Variants in POLR1C observed in about 807,000 individuals in gnomAD.
POLR1C encodes the protein RNA polymerase I and III subunit C, also known as DNA-directed RNA polymerases I and III subunit RPAC1.
Under a neutral mutation model 38.3 loss-of-function variants are expected in POLR1C, and 42 were observed. That is an observed-to-expected ratio of 1.10 (90% confidence interval 0.86 to 1.42). POLR1C has a LOEUF of 1.42. POLR1C is among the 40% of genes most tolerant of loss of function. POLR1C has a pLI of 0.00. For missense variants in POLR1C, 507 were observed against 450.5 expected (o/e 1.13, Z -1.14); for synonymous variants, 163 against 163.9 (o/e 0.99, Z 0.04).
At chr6:43,553,264 T>C in intron 10 of POLR1C, 1 of 1,365,042 alleles carries the variant, frequency 7.3e-7, no homozygotes, top group Non-Finnish European at 9.7e-7. Flanking sequence ...ATTGTGCCAC[T>C]GCATTTCAGC....
At chr6:43,553,965 A>G (rs1761874482) in intron 10 of POLR1C, among the ~76,000 whole-genome samples, 1 of 152,258 alleles carries the variant, frequency 6.6e-6, no homozygotes, top group Non-Finnish European at 1.5e-5. Flanking sequence ...TGTAATATAC[A>G]AAATACTGCT....
chr6:43,530,437 G>A (rs1582200126), downstream of POLR1C, among the ~76,000 whole-genome samples: 1 of 151,130 alleles, frequency 6.6e-6, no homozygotes, highest in Non-Finnish European at 1.5e-5. Flanking sequence ...AAAAAAAAAA[G>A]TTTTATCTGT....
At chr6:43,542,235 T>C (rs1334493795) in intron 9 of POLR1C, among the ~76,000 whole-genome samples, 6 of 152,158 alleles carry the variant, frequency 3.9e-5, no homozygotes, top group South Asian at 2.1e-4. Context: ...ACTGTAACAC[T>C]TGACTAGTAA....
intron 10 of POLR1C, among the ~76,000 whole-genome samples, chr6:43,552,913 C>A (rs960847023): frequency 6.6e-6 from 1 of 152,244 alleles, no homozygotes; most frequent in East Asian, 1.9e-4. Flanking sequence ...GAGTTTTGGT[C>A]CCCATTTTGC....
chr6:43,531,440 C>T (rs1276470702), downstream of POLR1C: 6 of 1,570,040 alleles, frequency 3.8e-6, no homozygotes, highest in Admixed American at 1.7e-5. Flanking sequence ...CAATACATAT[C>T]GAGGAAGAAA....
chr6:43,525,987 C>A (rs1203438855), downstream of POLR1C: 1 of 1,572,252 alleles, frequency 6.4e-7, no homozygotes, highest in Non-Finnish European at 8.7e-7. Flanking sequence ...CTTGTTCTGA[C>A]AGAAGCGCAA....
At chr6:43,551,302 G>T in intron 10 of POLR1C, 1 of 1,610,396 alleles carries the variant, frequency 6.2e-7, no homozygotes, top group South Asian at 1.1e-5. Context: ...TTATACCTTA[G>T]AGAAGACCTG....
In POLR1C at chr6:43,557,783, T is replaced by TAA. The variant is rs59661301; in HGVS notation, c.*49-3592_*49-3591dup. Among the ~76,000 whole-genome samples, 380 of 87,232 alleles carry TAA rather than the reference T, an allele frequency of 4.4e-3. 2 individuals carry two copies. The highest frequency in any genetic ancestry group is 0.015 in the African/African-American group (357 of 24,030). 57.2% of individuals were successfully genotyped at this position (87,232 alleles called of 152,430 possible). On this transcript the variant is annotated intron_variant, in intron 10 of 10. Transcript: ENST00000607635. Reference sequence around the variant, plus strand: ...AATGAATTTTGTCTCAATAAAGCTGTAAAAAAAAAAAAAAAAAAAAAAAAA... The same window carrying TAA: ...AATGAATTTTGTCTCAATAAAGCTGTAAAAAAAAAAAAAAAAAAAAAAAAAAA...
chr6:43,527,962 C>T (rs751260204), intron 8 of POLR1C, among the ~76,000 whole-genome samples: 1 of 152,124 alleles, frequency 6.6e-6, no homozygotes, highest in Non-Finnish European at 1.5e-5. Flanking sequence ...TAACAGTAGC[C>T]CCTATGAAGG....
intron 9 of POLR1C, chr6:43,539,782 T>C (rs188905095): frequency 1.7e-5 from 10 of 580,744 alleles, no homozygotes; most frequent in Middle Eastern, 9.0e-4. Flanking sequence ...ATCTGTTCCT[T>C]GAAGGTCTGG....
downstream of POLR1C, chr6:43,530,594 G>T: frequency 7.0e-7 from 1 of 1,425,532 alleles, no homozygotes; most frequent in Non-Finnish European, 9.6e-7. Context: ...CTTCCTTCCA[G>T]TTCTGCCTCT....
At position 43,517,408 on chromosome 6, in the gene POLR1C, T is replaced by C. The variant is rs375445123; in HGVS notation, c.141+31T>C. On this transcript the variant is annotated intron_variant, in intron 2 of 8. Transcript: ENST00000642195. ...TGGGGCCGGAGTTGTCTGGGGAGGG[T>C]TATGAAGGCCAGACCTTGTGGTCTG... 9.4e-6 allele frequency: 15 copies of C among 1,590,758 alleles called. No homozygotes were observed. In the East Asian group the frequency reaches 3.1e-4, roughly 33 times the overall value.
intron 10 of POLR1C, chr6:43,558,860 T>G: frequency 3.0e-6 from 1 of 332,562 alleles, no homozygotes; most frequent in Non-Finnish European, 5.5e-6. Context: ...TCTTTTAAGG[T>G]CCCCAGAAAA....
downstream of POLR1C, chr6:43,534,121 TG>T (rs1794168367): frequency 1.4e-6 from 1 of 702,832 alleles, no homozygotes; most frequent in Admixed American, 2.5e-5. Context: ...CATCAACTCC[TG>T]GCAGGGGAAA....
At chr6:43,553,582 G>C in intron 10 of POLR1C, 1 of 1,498,872 alleles carries the variant, frequency 6.7e-7, no homozygotes, top group Non-Finnish European at 8.9e-7. Flanking sequence ...AGAAGACACA[G>C]AGAGACAATG....
intron 9 of POLR1C, chr6:43,538,770 T>TG: frequency 6.1e-6 from 4 of 651,612 alleles, no homozygotes; most frequent in Middle Eastern, 4.2e-4. Context: ...ACTACATTTT[T>TG]CTTTTTTTTT....
intron 9 of POLR1C, among the ~76,000 whole-genome samples, chr6:43,538,616 A>G (rs1334947567): frequency 1.3e-5 from 2 of 152,208 alleles, no homozygotes; most frequent in African/African-American, 4.8e-5. Context: ...TAAAAGACTT[A>G]TTACTAGCTC....
Position 43,521,509 on chromosome 6 carries a change from A to G in POLR1C, c.*209A>G, listed in dbSNP as rs900953495. ...GATGTAAATAAACTCACCCAAACAAAAAAACTTTTTGAGACTACTTTTGAG... is the reference window on the plus strand; with the variant it reads ...GATGTAAATAAACTCACCCAAACAAGAAAACTTTTTGAGACTACTTTTGAG... On this transcript the variant is annotated 3_prime_UTR_variant, in exon 9 of 9. Transcript: ENST00000642195. The G allele has an allele frequency of 2.3e-6, 3 of 1,329,532 alleles. No homozygotes were observed. The African/African-American group carries it at 4.5e-5, about 20-fold the overall frequency. The allele number at this position is 1,329,532 out of a possible 1,614,324, so 82.4% of individuals were successfully genotyped here.
At chr6:43,560,202 A>G (rs1372509958) in intron 10 of POLR1C, 1 of 1,612,814 alleles carries the variant, frequency 6.2e-7, no homozygotes, top group Admixed American at 1.7e-5. Flanking sequence ...TCATGGAAGC[A>G]CGAAGATATT....
Sources: allele counts gnomAD v4.1 joint callset (sites outside exome capture counted in the v4.1 genomes callset), GRCh38; gene constraint gnomAD v4.1.1; transcripts MANE v1.5; gene names NCBI Gene and HGNC (gene_info 2026-07-23, HGNC 2026-07-21).